INSC: variants seen among roughly 807,000 people sequenced by gnomAD.
INSC encodes the protein INSC spindle orientation adaptor protein, also known as protein inscuteable homolog.
A neutral mutation model predicts 58.6 loss-of-function variants in INSC; 67 were observed. The ratio of observed to expected loss-of-function variants is 1.14; its 90% confidence interval spans 0.94 to 1.40. INSC has a LOEUF of 1.40. INSC is among the 40% of genes most tolerant of loss of function. INSC has a pLI of 0.00. For synonymous variants in INSC, 262 were observed against 276.1 expected, an observed-to-expected ratio of 0.95 and a Z score of 0.51; for missense variants, 714 against 692.0, an observed-to-expected ratio of 1.03 and a Z score of -0.36.
chr11:15,235,508 G>C (rs1852087617), intron 9 of INSC, 94 bp from the exon 10 acceptor site: 1 of 927,544 alleles, frequency 1.1e-6, no homozygotes, highest in Non-Finnish European at 1.8e-6. Flanking sequence ...CGGGATAAAA[G>C]GAAGCTTTGT....
the INSC span, among the ~76,000 whole-genome samples, chr11:15,262,225 C>T: frequency 6.6e-6 from 1 of 152,016 alleles, no homozygotes; most frequent in East Asian, 1.9e-4. Context: ...GACTGACACA[C>T]ATTGAAAACA....
At chr11:15,242,774 C>A (rs534763783) in intron 12 of INSC, among the ~76,000 whole-genome samples, 1 of 152,202 alleles carries the variant, frequency 6.6e-6, no homozygotes, top group Non-Finnish European at 1.5e-5. Context: ...CCAGAGAGTA[C>A]ACAGCATGAA....
intron 8 of INSC, among the ~76,000 whole-genome samples, chr11:15,225,068 C>T (rs905570091): frequency 1.2e-4 from 19 of 152,162 alleles, no homozygotes; most frequent in Admixed American, 3.3e-4. Flanking sequence ...GAGCTCCTTC[C>T]GGACTCACAG....
At chr11:15,180,666 C>G (rs1849737929) in intron 5 of INSC, among the ~76,000 whole-genome samples, 1 of 68,074 alleles carries the variant, frequency 1.5e-5, no homozygotes, top group African/African-American at 6.5e-5. Context: ...TATTGGCCTC[C>G]CTCTCATGGT....
chr11:15,200,199 G>C (rs1850528413), intron 6 of INSC, among the ~76,000 whole-genome samples: 2 of 149,670 alleles, frequency 1.3e-5, no homozygotes, highest in African/African-American at 5.0e-5. Flanking sequence ...ACAAACAGGA[G>C]TAAACGAGTG....
chr11:15,267,976 A>C, the INSC span, among the ~76,000 whole-genome samples: 2 of 151,848 alleles, frequency 1.3e-5, no homozygotes, highest in South Asian at 2.1e-4. Flanking sequence ...TGCCCTATCA[A>C]CTCTAGCTGC....
At chr11:15,190,879 A>C in intron 6 of INSC, 65 bp downstream of exon 6, 2 of 1,078,842 alleles carry the variant, frequency 1.9e-6, no homozygotes, top group East Asian at 2.4e-5. Flanking sequence ...TCACTTGTTC[A>C]ATGGGAATAG....
At chr11:15,185,988 T>C (rs1849951018) in intron 5 of INSC, among the ~76,000 whole-genome samples, 1 of 143,788 alleles carries the variant, frequency 7.0e-6, no homozygotes, top group South Asian at 2.3e-4. Flanking sequence ...TAGTTCTGTA[T>C]TATGAGGTCT....
At chr11:15,184,795 G>T (rs1052430339) in intron 5 of INSC, among the ~76,000 whole-genome samples, 1 of 152,164 alleles carries the variant, frequency 6.6e-6, no homozygotes, top group Non-Finnish European at 1.5e-5. Context: ...TGCCAATTAG[G>T]TTATAGAGTG....
rs56375160 is a variant in INSC at position 15,210,505 on chromosome 11, T to TTGTGTGTGTGTG, written c.819+9587_819+9598dup. ...TAGATGGAGCTCTGCATTTGAGAGTTTGTGTGTGTGTGTGTGTGTGTGTGT... is the reference window on the plus strand; with the variant it reads ...TAGATGGAGCTCTGCATTTGAGAGTTTGTGTGTGTGTGTGTGTGTGTGTGTGTGTGTGTGTGT... On this transcript the variant is annotated intron_variant, in intron 7 of 12. Coordinates refer to ENST00000379556, the MANE Select transcript of INSC (RefSeq NM_001042536.3). Among the ~76,000 whole-genome samples the TTGTGTGTGTGTG allele has an allele frequency of 6.3e-3, 849 of 135,516 alleles. 2 individuals are homozygous for TTGTGTGTGTGTG. Among genetic ancestry groups the TTGTGTGTGTGTG allele is most frequent in the South Asian group, 0.01 (41 of 3,992 alleles). The allele number at this position is 135,516 out of a possible 152,430, so 88.9% of individuals were successfully genotyped here. A position where few individuals can be genotyped will look rare whatever the true frequency, so the allele number is the denominator to read the frequency against.
chr11:15,171,957 A>C (rs1318984939), intron 2 of INSC, among the ~76,000 whole-genome samples: 1 of 152,210 alleles, frequency 6.6e-6, no homozygotes, highest in Admixed American at 6.5e-5. Context: ...GGGCATTTTA[A>C]CACAGACTAG....
chr11:15,267,335 A>C, the INSC span, among the ~76,000 whole-genome samples: 3 of 151,866 alleles, frequency 2.0e-5, no homozygotes, highest in Admixed American at 1.3e-4. Flanking sequence ...TTTCTGATTC[A>C]CTCATTCTTC....
chr11:15,153,609 C>T (rs183024167), intron 2 of INSC, among the ~76,000 whole-genome samples: 1 of 152,330 alleles, frequency 6.6e-6, no homozygotes, highest in Non-Finnish European at 1.5e-5. Context: ...CATCCTTTCT[C>T]CCATTTCCAA....
intron 9 of INSC, among the ~76,000 whole-genome samples, chr11:15,228,773 C>A (rs907486833): frequency 6.6e-6 from 1 of 152,218 alleles, no homozygotes; most frequent in African/African-American, 2.4e-5. Flanking sequence ...CTTCCATCAT[C>A]CTGGCAAGCC....
intron 1 of INSC, among the ~76,000 whole-genome samples, chr11:15,120,842 A>G (rs1003939909): frequency 2.0e-5 from 3 of 152,168 alleles, no homozygotes; most frequent in Admixed American, 1.3e-4. Context: ...CTAAATTTTG[A>G]CATATCAAAT....
Position 15,201,001 on chromosome 11 carries a change from G to C in INSC, c.819+52G>C, listed in dbSNP as rs756063763. On this transcript the variant is annotated intron_variant, in intron 7 of 12. Transcript: ENST00000379556. ...TGAGGTCCTCAAGCCAGGTAGGGGT[G>C]AGGTCCAGGCCTCATGATGGCCATC... is the stretch of plus-strand genomic sequence containing the variant. 1.2e-5 allele frequency: 18 copies of C among 1,553,552 alleles called. No homozygotes were observed. In the Middle Eastern group the frequency reaches 6.7e-4, roughly 58 times the overall value.
At chr11:15,117,785 C>T (rs72859819) in intron 1 of INSC, among the ~76,000 whole-genome samples, 2,454 of 152,244 alleles carry the variant, frequency 0.016, 37 homozygotes, top group Middle Eastern at 0.034. Context: ...CTCAATTTGG[C>T]TTCTGTACCT....
chr11:15,123,031 T>A (rs1847911372), intron 1 of INSC, among the ~76,000 whole-genome samples: 1 of 152,170 alleles, frequency 6.6e-6, no homozygotes, highest in Non-Finnish European at 1.5e-5. Context: ...CCTGCCACAC[T>A]GGCCTCAGCT....
At chr11:15,149,102 G>C in intron 1 of INSC, 28 bp from the exon 2 acceptor site, 1 of 1,558,010 alleles carries the variant, frequency 6.4e-7, no homozygotes, top group South Asian at 1.2e-5. Flanking sequence ...TTAGGATCTC[G>C]TTGTGCCATC....
Sources: allele counts gnomAD v4.1 joint callset (sites outside exome capture counted in the v4.1 genomes callset), GRCh38; gene constraint gnomAD v4.1.1; transcripts MANE v1.5; gene names NCBI Gene and HGNC (gene_info 2026-07-23, HGNC 2026-07-21).